Variants in MAGT1 observed in about 807,000 individuals in gnomAD.
The protein encoded by MAGT1 is dolichyl-diphosphooligosaccharide--protein glycosyltransferase subunit MAGT1.
A neutral mutation model predicts 28.4 loss-of-function variants in MAGT1; 4 were observed. The ratio of observed to expected loss-of-function variants is 0.14; its 90% confidence interval spans 0.07 to 0.32. MAGT1 has a LOEUF of 0.32. MAGT1 is among the 10% of genes least tolerant of loss of function. MAGT1 has a pLI of 1.00. For synonymous variants in MAGT1, 89 were observed against 89.7 expected, an observed-to-expected ratio of 0.99 and a Z score of 0.04; for missense variants, 193 against 264.5, an observed-to-expected ratio of 0.73 and a Z score of 1.88.
At chrX:77,860,316 G>A (rs1486135105) in intron 3 of MAGT1, among the ~76,000 whole-genome samples, 1 of 110,002 alleles carries the variant, frequency 9.1e-6, no homozygotes, top group Admixed American at 9.7e-5. Flanking sequence ...TCGAACTCAT[G>A]ACCTCAAGTG....
intron 2 of MAGT1, among the ~76,000 whole-genome samples, chrX:77,874,845 A>C (rs1432579300): frequency 9.2e-6 from 1 of 109,132 alleles, no homozygotes; most frequent in South Asian, 3.9e-4. Context: ...ATACAGTTAC[A>C]TAAGTTGATA....
intron 7 of MAGT1, 51 bp from the exon 8 acceptor site, chrX:77,841,371 A>T (rs782735712): frequency 1.2e-6 from 1 of 826,529 alleles, no homozygotes; most frequent in African/African-American, 2.0e-5. Flanking sequence ...AAGACATACC[A>T]TTTTACTATT....
At chrX:77,877,471 A>G (rs1603363799) in intron 1 of MAGT1, among the ~76,000 whole-genome samples, 1 of 109,328 alleles carries the variant, frequency 9.1e-6, no homozygotes, top group East Asian at 2.9e-4. Flanking sequence ...AGCTTGGGTG[A>G]CACAGCGAGA....
chrX:77,863,510 C>CA (rs782814277), intron 3 of MAGT1, among the ~76,000 whole-genome samples: 1,051 of 45,936 alleles, frequency 0.023, 9 homozygotes, highest in Non-Finnish European at 0.034. Context: ...GACTCCGTCT[C>CA]AAAAAAAAAA....
intron 1 of MAGT1, among the ~76,000 whole-genome samples, chrX:77,883,018 A>T (rs189929098): frequency 3.6e-4 from 36 of 100,886 alleles, no homozygotes; most frequent in Non-Finnish European, 3.1e-4. Flanking sequence ...ATATATATAA[A>T]TTATATATTT....
intron 1 of MAGT1, among the ~76,000 whole-genome samples, chrX:77,894,054 T>C (rs782172036): frequency 3.1e-4 from 35 of 112,170 alleles, no homozygotes; most frequent in Non-Finnish European, 6.0e-4. Context: ...TTACAGAGAT[T>C]TCTCTATACA....
In MAGT1 at chrX:77,880,326, A is replaced by C. The variant is rs1183077669; in HGVS notation, c.103-4729T>G. Among the ~76,000 whole-genome samples the C allele has an allele frequency of 2.8e-5, 3 of 105,639 alleles. No individual in the cohort carries two copies. In the Admixed American group the frequency reaches 3.1e-4, roughly 11 times the overall value. The allele number at this position is 105,639 out of a possible 115,157, so 91.7% of individuals were successfully genotyped here. A position where few individuals can be genotyped will look rare whatever the true frequency, so the allele number is the denominator to read the frequency against. On this transcript the variant is annotated intron_variant, in intron 1 of 9. Transcript: ENST00000618282. ...GGGCAGATCACGAGGTCAGGAGTTC[A>C]AGACCAGCCTGGCCAACAGGGTGAA...
At chrX:77,837,375 C>T (rs1341316570) in intron 8 of MAGT1, 2 of 111,563 alleles carry the variant, frequency 1.8e-5, no homozygotes, top group African/African-American at 6.5e-5. Context: ...CATGCAAATT[C>T]GTGAAGTGTT....
chrX:77,841,129 A>T, intron 8 of MAGT1, 117 bp downstream of exon 8: 1 of 514,036 alleles, frequency 1.9e-6, no homozygotes, highest in Non-Finnish European at 3.3e-6. Flanking sequence ...TAAAGAAAAA[A>T]ATAGTAAAGG....
chrX:77,871,510 C>G (rs782616372), intron 2 of MAGT1, among the ~76,000 whole-genome samples: 12 of 111,524 alleles, frequency 1.1e-4, no homozygotes, highest in Non-Finnish European at 2.3e-4. Flanking sequence ...GAGCTCAAGA[C>G]AAGCCTGGCC....
intron 2 of MAGT1, among the ~76,000 whole-genome samples, chrX:77,873,947 C>G (rs1316147904): frequency 9.1e-6 from 1 of 109,918 alleles, no homozygotes; most frequent in Non-Finnish European, 1.9e-5. Flanking sequence ...TCTAGGAGTT[C>G]AACTTTTTTA....
intron 3 of MAGT1, among the ~76,000 whole-genome samples, chrX:77,861,739 G>A (rs1361114462): frequency 8.9e-6 from 1 of 112,109 alleles, no homozygotes; most frequent in African/African-American, 3.2e-5. Context: ...AGGAAGTTCT[G>A]ACACATGCTA....
chrX:77,868,961 T>C (rs2077013993), intron 3 of MAGT1, among the ~76,000 whole-genome samples: 1 of 111,869 alleles, frequency 8.9e-6, no homozygotes, highest in African/African-American at 3.2e-5. Context: ...ACAAAAGAAA[T>C]CAACTCAAGA....
In MAGT1 at chrX:77,856,741, C is replaced by T; in HGVS notation, c.664G>A (p.Ala222Thr). The change falls in exon 5 of 10, where the codon GCA becomes ACA. Residue 222 changes from alanine to threonine, a missense_variant. Coordinates refer to ENST00000618282, the MANE Select transcript of MAGT1 (RefSeq NM_001367916.1). ...TTCTGAAATTCACTCACCAAAGCTG[C>T]AAAAGCCCATCCAGTTTTATTAAAG... ...FLFNKTGWAF[A>T]ALCFVLAMTS... 3.3e-6 allele frequency: 4 copies of T among 1,209,443 alleles called. No individual in the cohort carries two copies. Among genetic ancestry groups the T allele is most frequent in the Non-Finnish European group, 4.5e-6 (4 of 893,860 alleles).
Position 77,880,845 on chromosome X carries a change from C to T in MAGT1, c.103-5248G>A, listed in dbSNP as rs1019965483. On this transcript the variant is annotated intron_variant, in intron 1 of 9. Coordinates refer to ENST00000618282, the MANE Select transcript of MAGT1 (RefSeq NM_001367916.1). ...TGGTGGCACATGTCTGTAGTCCCAGCTACCGGGGAGGCTGAGGCACTAGAA... is the reference window on the plus strand; with the variant it reads ...TGGTGGCACATGTCTGTAGTCCCAGTTACCGGGGAGGCTGAGGCACTAGAA... 5.6e-5 allele frequency among the ~76,000 whole-genome samples: 6 copies of T among 107,076 alleles called. No homozygotes were observed. The Admixed American group carries it at 6.2e-4, about 11-fold the overall frequency. 93.0% of individuals were successfully genotyped at this position (107,076 alleles called of 115,157 possible).
chrX:77,891,884 C>A (rs2077083658), intron 1 of MAGT1, among the ~76,000 whole-genome samples: 1 of 111,705 alleles, frequency 9.0e-6, no homozygotes, highest in Admixed American at 9.5e-5. Flanking sequence ...CTATGAGGAA[C>A]TTGAGTGATT....
intron 3 of MAGT1, 80 bp downstream of exon 3, chrX:77,870,728 T>C: frequency 2.9e-6 from 2 of 699,111 alleles, no homozygotes; most frequent in South Asian, 2.2e-5. Context: ...TTTAATGTCT[T>C]ATAGCCACTG....
At chrX:77,878,891 A>G (rs2077043654) in intron 1 of MAGT1, among the ~76,000 whole-genome samples, 1 of 111,383 alleles carries the variant, frequency 9.0e-6, no homozygotes, top group Non-Finnish European at 1.9e-5. Flanking sequence ...TTTGTCCTAT[A>G]GAAATGAAAA....
At chrX:77,854,166 C>T (rs2076975666) in intron 6 of MAGT1, among the ~76,000 whole-genome samples, 1 of 111,565 alleles carries the variant, frequency 9.0e-6, no homozygotes, top group African/African-American at 3.3e-5. Flanking sequence ...TTTGTCTTTT[C>T]ATTGTACTAA....
Sources: allele counts gnomAD v4.1 joint callset (sites outside exome capture counted in the v4.1 genomes callset), GRCh38; gene constraint gnomAD v4.1.1; transcripts MANE v1.5; gene names NCBI Gene and HGNC (gene_info 2026-07-23, HGNC 2026-07-21).